Variants in NCALD observed in about 807,000 individuals in gnomAD.
NCALD encodes the protein neurocalcin-delta.
NCALD carries 10 observed loss-of-function variants against 18.6 expected under a neutral mutation model. That is an observed-to-expected ratio of 0.54 (90% confidence interval 0.33 to 0.91). The LOEUF is 0.91. Among genes scored for constraint, NCALD ranks in the 40% least tolerant of loss-of-function variants. The probability of loss-of-function intolerance (pLI) is 0.03; values close to 1 mark genes in which losing one functional copy is unlikely to be tolerated. For missense variants in NCALD, 184 were observed against 247.6 expected, an observed-to-expected ratio of 0.74 and a Z score of 1.72; for synonymous variants, 88 against 87.4, an observed-to-expected ratio of 1.01 and a Z score of -0.04.
At chr8:101,887,002 A>AC (rs1054141146) in intron 4 of NCALD, 2 of 152,200 alleles carry the variant, frequency 1.3e-5, no homozygotes, top group Non-Finnish European at 2.9e-5. Context: ...GGAAATGGCT[A>AC]CCCCATGACA....
chr8:101,733,299 G>A (rs748194969), intron 1 of NCALD, among the ~76,000 whole-genome samples: 1 of 152,186 alleles, frequency 6.6e-6, no homozygotes, highest in African/African-American at 2.4e-5. Flanking sequence ...TGCATCTTTT[G>A]CTCCCCCCAG....
chr8:101,890,088 T>C (rs551858700), intron 3 of NCALD, among the ~76,000 whole-genome samples: 1 of 152,270 alleles, frequency 6.6e-6, no homozygotes, highest in South Asian at 2.1e-4. Flanking sequence ...CAAGCCAATA[T>C]GTGAGACAAG....
intron 4 of NCALD, among the ~76,000 whole-genome samples, chr8:101,797,066 T>C (rs193095024): frequency 1.1e-4 from 16 of 152,360 alleles, no homozygotes; most frequent in Middle Eastern, 3.4e-3. Flanking sequence ...CTTACATATA[T>C]TGATTGATGT....
chr8:101,961,549 G>A (rs760282158), intron 2 of NCALD, among the ~76,000 whole-genome samples: 36 of 152,154 alleles, frequency 2.4e-4, no homozygotes, highest in Non-Finnish European at 4.7e-4. Flanking sequence ...CTGAAAGGCT[G>A]ACTGTGGTAC....
At chr8:102,053,421 A>G (rs1823520118) in intron 1 of NCALD, among the ~76,000 whole-genome samples, 1 of 152,212 alleles carries the variant, frequency 6.6e-6, no homozygotes, top group Non-Finnish European at 1.5e-5. Flanking sequence ...TTAAGTAGGA[A>G]GAGAGGTGCT....
chr8:101,724,254 T>A (rs1816480289), intron 1 of NCALD, among the ~76,000 whole-genome samples: 1 of 152,236 alleles, frequency 6.6e-6, no homozygotes. Flanking sequence ...AAATGAGACC[T>A]ACTTGGCAGT....
chr8:101,885,300 A>G (rs191322809), intron 4 of NCALD, among the ~76,000 whole-genome samples: 16 of 152,310 alleles, frequency 1.1e-4, no homozygotes, highest in Admixed American at 5.2e-4. Flanking sequence ...CTTCCCATCT[A>G]TGGTTATCTG....
At chr8:102,005,569 T>C (rs372634122) in intron 2 of NCALD, among the ~76,000 whole-genome samples, 7 of 152,090 alleles carry the variant, frequency 4.6e-5, no homozygotes, top group African/African-American at 1.4e-4. Flanking sequence ...TATAAAGACA[T>C]ATGCACACGT....
At chr8:101,897,338 G>A (rs1215952282) in intron 3 of NCALD, among the ~76,000 whole-genome samples, 1 of 145,550 alleles carries the variant, frequency 6.9e-6, no homozygotes, top group Non-Finnish European at 1.5e-5. Context: ...GACACAGGAA[G>A]CGGAATATCA....
chr8:102,070,720 A>C (rs1189776517), intron 1 of NCALD, among the ~76,000 whole-genome samples: 1 of 152,232 alleles, frequency 6.6e-6, no homozygotes, highest in Non-Finnish European at 1.5e-5. Context: ...AAAAATAGGT[A>C]TCAATGTCCA....
intron 1 of NCALD, among the ~76,000 whole-genome samples, chr8:102,104,914 C>T (rs917181225): frequency 6.6e-6 from 1 of 152,138 alleles, no homozygotes; most frequent in Non-Finnish European, 1.5e-5. Context: ...GAGAATCAAA[C>T]CTGGGAACTT....
chr8:102,065,482 G>A (rs1823981108), intron 1 of NCALD, among the ~76,000 whole-genome samples: 2 of 152,160 alleles, frequency 1.3e-5, no homozygotes, highest in South Asian at 4.1e-4. Flanking sequence ...GCTTACAAAT[G>A]AAACAGAGGC....
intron 2 of NCALD, among the ~76,000 whole-genome samples, chr8:101,923,890 T>C (rs551103041): frequency 3.3e-5 from 5 of 152,338 alleles, no homozygotes; most frequent in African/African-American, 1.2e-4. Flanking sequence ...TTATCAGGGC[T>C]GATAATGTTA....
chr8:101,744,020 A>C (rs1810323552), intron 1 of NCALD, among the ~76,000 whole-genome samples: 2 of 152,218 alleles, frequency 1.3e-5, no homozygotes, highest in African/African-American at 2.4e-5. Flanking sequence ...CTTGACTTGG[A>C]GAAGTGTCTT....
At chr8:101,742,622 A>T (rs1163890725) in intron 1 of NCALD, among the ~76,000 whole-genome samples, 1 of 152,200 alleles carries the variant, frequency 6.6e-6, no homozygotes, top group Non-Finnish European at 1.5e-5. Flanking sequence ...ATAAAAATTT[A>T]TGTATATAGT....
intron 1 of NCALD, among the ~76,000 whole-genome samples, chr8:102,030,542 T>C (rs62518511): frequency 0.17 from 26,574 of 152,202 alleles, 2,407 homozygotes; most frequent in South Asian, 0.28. Flanking sequence ...AAGAATCAAA[T>C]ATTTATCTTG....
At chr8:102,124,578 C>G (rs540794191), upstream of NCALD, 1 of 152,132 alleles carries the variant, frequency 6.6e-6, no homozygotes, top group South Asian at 2.1e-4. Context: ...ACCGCCCAGG[C>G]CTCTAGCCAG....
In NCALD at chr8:101,691,452, G is replaced by A. The variant is rs180977848; in HGVS notation, c.484+1339C>T. On this transcript the variant is annotated intron_variant, in intron 3 of 3. Transcript: ENST00000220931. ...TGATCAACACACAGTTAGGGCTTTA[G>A]GGCTTTATCCTGTGACATCTGATCT... 151 of 985,246 alleles carry A rather than the reference G, an allele frequency of 1.5e-4. 2 individuals are homozygous for A. In the Admixed American group the frequency reaches 7.0e-3, roughly 45 times the overall value. 61.0% of individuals were successfully genotyped at this position (985,246 alleles called of 1,614,324 possible).
rs1292641440 is a variant in NCALD, at chr8:102,061,762, C to T, written c.-209-41473G>A. 2.6e-5 allele frequency among the ~76,000 whole-genome samples: 4 copies of T among 152,288 alleles called. No individual in the cohort carries two copies. The Middle Eastern group carries it at 0.01, about 388-fold the overall frequency. On this transcript the variant is annotated intron_variant, in intron 1 of 6. Coordinates refer to the NCALD transcript ENST00000311028. ...AGCCGCCACAGACCTCCATACTCGG[C>T]AGAATTTTCAGCCGTGCATAAATAT...
Sources: allele counts gnomAD v4.1 joint callset (sites outside exome capture counted in the v4.1 genomes callset), GRCh38; gene constraint gnomAD v4.1.1; transcripts MANE v1.5; gene names NCBI Gene and HGNC (gene_info 2026-07-23, HGNC 2026-07-21).